The following NKAIN2 variants were observed in gnomAD, a reference collection of about 807,000 sequenced individuals.
NKAIN2 encodes sodium/potassium transporting ATPase interacting 2, also known as sodium/potassium-transporting ATPase subunit beta-1-interacting protein 2.
In NKAIN2, 14 loss-of-function variants were observed where a neutral mutation model predicts 32.6. The ratio of observed to expected loss-of-function variants is 0.43; its 90% CI spans 0.28 to 0.67. The LOEUF (loss-of-function observed/expected upper bound fraction) is 0.67. Ranked by LOEUF, NKAIN2 falls within the 30% of genes least tolerant of loss-of-function variation. The pLI is 0.17. For synonymous variants in NKAIN2, 80 were observed against 87.2 expected (o/e 0.92, Z 0.46); for missense variants, 198 against 258.3 (o/e 0.77, Z 1.60).
chr6:124,774,249 T>C (rs1255696888), intron 4 of NKAIN2, among the ~76,000 whole-genome samples: 2 of 152,116 alleles, frequency 1.3e-5, no homozygotes, highest in Non-Finnish European at 2.9e-5. Context: ...GACAGCAGTG[T>C]AGATGGTTAA....
At chr6:124,475,696 G>A (rs114821566) in intron 3 of NKAIN2, among the ~76,000 whole-genome samples, 1 of 152,060 alleles carries the variant, frequency 6.6e-6, no homozygotes, top group Non-Finnish European at 1.5e-5. Context: ...GGTGGTGCTG[G>A]AGATAATTTT....
At chr6:124,636,452 A>G (rs1783776985) in intron 3 of NKAIN2, among the ~76,000 whole-genome samples, 1 of 151,956 alleles carries the variant, frequency 6.6e-6, no homozygotes, top group African/African-American at 2.4e-5. Flanking sequence ...AATACAAAAT[A>G]CAAAAGATCA....
chr6:124,344,682 T>G (rs1018732291), intron 2 of NKAIN2, among the ~76,000 whole-genome samples: 14 of 152,222 alleles, frequency 9.2e-5, no homozygotes, highest in African/African-American at 3.4e-4. Flanking sequence ...ACATTTATTT[T>G]GTATCCTGAG....
chr6:124,230,673 C>T (rs1326244227), intron 1 of NKAIN2, among the ~76,000 whole-genome samples: 2 of 152,190 alleles, frequency 1.3e-5, no homozygotes, highest in Admixed American at 1.3e-4. Flanking sequence ...CCAGCTGTTG[C>T]TTCAGAGGGT....
intron 3 of NKAIN2, among the ~76,000 whole-genome samples, chr6:124,554,253 A>G (rs1031305559): frequency 1.3e-5 from 2 of 152,208 alleles, no homozygotes; most frequent in Non-Finnish European, 2.9e-5. Context: ...CTGAGAATCA[A>G]TGCTGCTTTA....
intron 3 of NKAIN2, among the ~76,000 whole-genome samples, chr6:124,638,293 C>T (rs1783848732): frequency 6.6e-6 from 1 of 152,164 alleles, no homozygotes. Flanking sequence ...AATGTAACAC[C>T]TGAAACTATA....
chr6:124,055,163 A>G (rs1782589401), intron 1 of NKAIN2, among the ~76,000 whole-genome samples: 1 of 152,068 alleles, frequency 6.6e-6, no homozygotes, highest in Non-Finnish European at 1.5e-5. Flanking sequence ...AGTTAGATAA[A>G]CAACTTATAT....
At chr6:124,323,789 T>TC (rs1797299995) in intron 2 of NKAIN2, among the ~76,000 whole-genome samples, 1 of 146,700 alleles carries the variant, frequency 6.8e-6, no homozygotes, top group African/African-American at 2.5e-5. Context: ...TTTTTCTTTT[T>TC]TTTTTTTTTT....
At chr6:123,870,343 A>G (rs1317532862) in intron 1 of NKAIN2, among the ~76,000 whole-genome samples, 2 of 152,146 alleles carry the variant, frequency 1.3e-5, no homozygotes, top group African/African-American at 4.8e-5. Context: ...TGTTTTAAAT[A>G]GAGTGGTCAG....
chr6:124,123,988 G>A (rs559074272), intron 1 of NKAIN2, among the ~76,000 whole-genome samples: 4 of 144,638 alleles, frequency 2.8e-5, no homozygotes, highest in Non-Finnish European at 6.0e-5. Flanking sequence ...TGGCCTTTTA[G>A]GATGAGTGAT....
chr6:124,647,299 C>CACTT (rs910952129), intron 3 of NKAIN2, among the ~76,000 whole-genome samples: 1 of 151,568 alleles, frequency 6.6e-6, no homozygotes, highest in African/African-American at 2.4e-5. Flanking sequence ...GTAATCCTAG[C>CACTT]ACTTTGGAAG....
chr6:124,625,963 T>TTTACTTTAAG (rs1554237423), intron 3 of NKAIN2, among the ~76,000 whole-genome samples: 1 of 147,074 alleles, frequency 6.8e-6, no homozygotes, highest in Non-Finnish European at 1.5e-5. Context: ...ATTATTATAC[T>TTTACTTTAAG]TTAAGTTTTA....
At chr6:124,286,116 C>T (rs74593584) in intron 2 of NKAIN2, among the ~76,000 whole-genome samples, 16,498 of 152,008 alleles carry the variant, frequency 0.11, 944 homozygotes, top group East Asian at 0.18. Flanking sequence ...TAACATTTTG[C>T]GTATTTCCTT....
At chr6:124,134,232 T>C (rs1231365790) in intron 1 of NKAIN2, among the ~76,000 whole-genome samples, 1 of 151,826 alleles carries the variant, frequency 6.6e-6, no homozygotes, top group East Asian at 1.9e-4. Flanking sequence ...AAGACACACT[T>C]AGGGAAATAC....
chr6:124,509,119 T>A (rs1429316463), intron 3 of NKAIN2, among the ~76,000 whole-genome samples: 1 of 152,212 alleles, frequency 6.6e-6, no homozygotes, highest in Non-Finnish European at 1.5e-5. Context: ...TAAATAACAC[T>A]GTAGAAGTAG....
chr6:124,454,196 G>A (rs1776235781), intron 3 of NKAIN2, among the ~76,000 whole-genome samples: 1 of 151,236 alleles, frequency 6.6e-6, no homozygotes, highest in Admixed American at 6.6e-5. Context: ...TCTGCCCTTA[G>A]TGAATATTAT....
At chr6:124,495,305 T>C (rs529836498) in intron 3 of NKAIN2, among the ~76,000 whole-genome samples, 7 of 152,238 alleles carry the variant, frequency 4.6e-5, no homozygotes, top group African/African-American at 1.4e-4. Context: ...AGTAATTGAA[T>C]GTGAGATTTT....
At chr6:124,150,070 C>T (rs1787627878) in intron 1 of NKAIN2, among the ~76,000 whole-genome samples, 2 of 152,074 alleles carry the variant, frequency 1.3e-5, no homozygotes, top group Admixed American at 6.6e-5. Flanking sequence ...CTATTCCTTG[C>T]GCTCTGCCTC....
At chr6:124,346,254 C>G (rs1385436532) in intron 2 of NKAIN2, among the ~76,000 whole-genome samples, 3 of 152,020 alleles carry the variant, frequency 2.0e-5, no homozygotes, top group East Asian at 3.9e-4. Context: ...TTACTTGCAA[C>G]TATGTGGTCA....
Sources: gnomAD v4.1 joint callset for allele counts (sites outside exome capture counted in the v4.1 genomes callset) on GRCh38, gnomAD v4.1.1 for gene constraint, MANE v1.5 for transcripts, NCBI Gene and HGNC (gene_info 2026-07-23, HGNC 2026-07-21) for gene names.